Variants in HECW1 observed in about 807,000 individuals in gnomAD.
HECW1 encodes HECT, C2 and WW domain containing E3 ubiquitin protein ligase 1, also known as E3 ubiquitin-protein ligase HECW1.
In HECW1, 61 loss-of-function variants were observed where a neutral mutation model predicts 182.3. That is an observed-to-expected ratio of 0.33 (90% confidence interval 0.27 to 0.41). The LOEUF (loss-of-function observed/expected upper bound fraction) is 0.41. Among genes scored for constraint, HECW1 ranks in the 10% least tolerant of loss-of-function variants. HECW1 has a pLI of 1.00. For missense variants in HECW1, 1,739 were observed against 2,108.9 expected (o/e 0.82, Z 3.44); for synonymous variants, 859 against 832.6 (o/e 1.03, Z -0.55).
chr7:43,534,976 T>C (rs1268144815), intron 24 of HECW1, among the ~76,000 whole-genome samples: 1 of 152,238 alleles, frequency 6.6e-6, no homozygotes, highest in Non-Finnish European at 1.5e-5. Context: ...AAAGGACTTT[T>C]AGCATCTTAG....
chr7:43,295,449 C>T (rs896375610), intron 3 of HECW1, among the ~76,000 whole-genome samples: 1 of 152,138 alleles, frequency 6.6e-6, no homozygotes, highest in Non-Finnish European at 1.5e-5. Context: ...TTTCACTCTC[C>T]CAATCTTTAT....
intron 24 of HECW1, among the ~76,000 whole-genome samples, chr7:43,521,490 A>G (rs1478285189): frequency 6.6e-6 from 1 of 152,252 alleles, no homozygotes; most frequent in East Asian, 1.9e-4. Context: ...AAACATTTTC[A>G]GCCTTGGAAT....
At chr7:43,511,733 T>G (rs1485311017) in intron 24 of HECW1, 1 of 170,918 alleles carries the variant, frequency 5.9e-6, no homozygotes, top group Non-Finnish European at 1.3e-5. Context: ...TCTTGTGCCA[T>G]GTGGCAAATA....
chr7:43,267,072 T>C (rs1445145565), intron 3 of HECW1, among the ~76,000 whole-genome samples: 1 of 152,166 alleles, frequency 6.6e-6, no homozygotes, highest in East Asian at 1.9e-4. Context: ...TTGGGAGTTT[T>C]AATTCATTAT....
chr7:43,169,250 A>G (rs1024237737), intron 2 of HECW1, among the ~76,000 whole-genome samples: 1 of 152,222 alleles, frequency 6.6e-6, no homozygotes, highest in African/African-American at 2.4e-5. Flanking sequence ...GAAGTTCAGG[A>G]AATACCTGTA....
chr7:43,360,760 C>A, intron 5 of HECW1, 126 bp from the exon 6 acceptor site: 1 of 715,956 alleles, frequency 1.4e-6, no homozygotes, highest in Non-Finnish European at 2.5e-6. Context: ...GCATCATTGT[C>A]GAGTGTGGCC....
At chr7:43,536,927 G>A (rs993766427) in intron 24 of HECW1, among the ~76,000 whole-genome samples, 15 of 152,226 alleles carry the variant, frequency 9.9e-5, no homozygotes, top group African/African-American at 3.6e-4. Context: ...CACAGATGCG[G>A]GGCTGCAGCC....
At chr7:43,313,051 T>A (rs942324041) in intron 4 of HECW1, among the ~76,000 whole-genome samples, 4 of 152,218 alleles carry the variant, frequency 2.6e-5, no homozygotes, top group African/African-American at 9.6e-5. Flanking sequence ...CTGCACAGTT[T>A]TTCTGATAAA....
At chr7:43,492,897 TA>T (rs35403812) in intron 18 of HECW1, among the ~76,000 whole-genome samples, 186 bp from the exon 19 acceptor site, 7 of 152,194 alleles carry the variant, frequency 4.6e-5, no homozygotes, top group Admixed American at 4.6e-4. Flanking sequence ...TTTGATCCCT[TA>T]AAAAATTATA....
chr7:43,144,776 C>T (rs6960958), intron 2 of HECW1, among the ~76,000 whole-genome samples: 68,259 of 151,834 alleles, frequency 0.45, 15,471 homozygotes, highest in African/African-American at 0.46. Flanking sequence ...CCTAGATCAG[C>T]CATTTCTCCA....
chr7:43,334,741 T>C (rs539374968), intron 5 of HECW1, among the ~76,000 whole-genome samples: 273 of 152,312 alleles, frequency 1.8e-3, no homozygotes, highest in African/African-American at 6.4e-3. Context: ...TGAATTTAAA[T>C]CCCAAATCAG....
chr7:43,346,083 G>A (rs1420853314), intron 5 of HECW1, among the ~76,000 whole-genome samples: 1 of 152,098 alleles, frequency 6.6e-6, no homozygotes, highest in Non-Finnish European at 1.5e-5. Flanking sequence ...GTTTTCCATA[G>A]TGGCTGTACT....
intron 3 of HECW1, among the ~76,000 whole-genome samples, chr7:43,283,481 A>T (rs1804199651): frequency 6.6e-6 from 1 of 152,180 alleles, no homozygotes. Flanking sequence ...AAAATATGTT[A>T]TCCATTTTAT....
At position 43,466,465 on chromosome 7, in the gene HECW1, C is replaced by G; in HGVS notation, c.2810C>G (p.Ser937Ter). 6.2e-7 allele frequency: 1 copy of G among 1,613,656 alleles called. No individual in the cohort carries two copies. The highest frequency in any genetic ancestry group is 8.5e-7 in the Non-Finnish European group (1 of 1,179,696). ...QSSLDLRREGSLSPVNSQKIT... is the reference protein window; with the variant it reads ...QSSLDLRREG Reference sequence around the variant, plus strand: ...TTTTCAGATCTAAGGAGAGAAGGGTCACTTTCTCCAGTGAACTCACAAAAA... The same window carrying G: ...TTTTCAGATCTAAGGAGAGAAGGGTGACTTTCTCCAGTGAACTCACAAAAA... The change falls in exon 15 of 30, where the codon TCA becomes TGA. Residue 937 changes from serine (S) to a stop codon, truncating the protein, a stop_gained. Transcript: ENST00000395891. LOFTEE classifies it high-confidence loss of function.
chr7:43,308,230 TATA>T (rs1428218427), intron 3 of HECW1, among the ~76,000 whole-genome samples: 16 of 74,830 alleles, frequency 2.1e-4, no homozygotes, highest in South Asian at 9.2e-4. Context: ...TATATTTTTA[TATA>T]ATAATATATA....
intron 2 of HECW1, chr7:43,239,961 T>G (rs1798715186): frequency 6.6e-6 from 1 of 152,206 alleles, no homozygotes; most frequent in Non-Finnish European, 1.5e-5. Context: ...TGAGTGACCT[T>G]TCATCATATT....
Position 43,562,005 on chromosome 7 carries a change from AATC to A in HECW1, c.*81_*83del, listed in dbSNP as rs1469726236. The A allele has an allele frequency of 1.2e-6, 1 of 801,022 alleles. No homozygotes were observed. Among genetic ancestry groups the A allele is most frequent in the African/African-American group, 1.7e-5 (1 of 58,116 alleles). 49.6% of individuals were successfully genotyped at this position (801,022 alleles called of 1,614,324 possible). On this transcript the variant is annotated 3_prime_UTR_variant, in exon 30 of 30. Coordinates refer to ENST00000395891, the MANE Select transcript of HECW1 (RefSeq NM_015052.5). ...GATGATCCCCTTTTCCCTTTCCCTTAATCAACTCTCCTTTGATTTTGGTATTCC... is the reference window on the plus strand; with the variant it reads ...GATGATCCCCTTTTCCCTTTCCCTTAAACTCTCCTTTGATTTTGGTATTCC...
chr7:43,507,083 A>T, intron 21 of HECW1, 54 bp from the exon 22 acceptor site: 1 of 1,532,178 alleles, frequency 6.5e-7, no homozygotes, highest in Non-Finnish European at 8.8e-7. Flanking sequence ...AAAGAAAAAA[A>T]GAAGAAGAAG....
chr7:43,456,230 GTAT>G, intron 12 of HECW1, 64 bp from the exon 13 acceptor site: 1 of 1,494,840 alleles, frequency 6.7e-7, no homozygotes, highest in South Asian at 1.3e-5. Context: ...CTTGGAAGTT[GTAT>G]GTGTTTCACG....
Sources: gnomAD v4.1 joint callset for allele counts (sites outside exome capture counted in the v4.1 genomes callset) on GRCh38, gnomAD v4.1.1 for gene constraint, MANE v1.5 for transcripts, NCBI Gene and HGNC (gene_info 2026-07-23, HGNC 2026-07-21) for gene names.